Variants in SLCO5A1 observed in about 807,000 individuals in gnomAD.
The protein encoded by SLCO5A1 is solute carrier organic anion transporter family member 5A1.
A neutral mutation model predicts 65.1 loss-of-function variants in SLCO5A1; 39 were observed. The observed-to-expected ratio is 0.60, with a 90% confidence interval of 0.46 to 0.78. The LOEUF is 0.78. SLCO5A1 is among the 30% of genes least tolerant of loss of function. The pLI is 0.00. For missense variants in SLCO5A1, 1,029 were observed against 1,069.4 expected (o/e 0.96, Z 0.53); for synonymous variants, 438 against 415.7 (o/e 1.05, Z -0.65).
chr8:69,749,944 G>A (rs150328480), intron 4 of SLCO5A1, among the ~76,000 whole-genome samples: 6 of 152,166 alleles, frequency 3.9e-5, no homozygotes, highest in Admixed American at 1.3e-4. Flanking sequence ...AAGGGGCCAC[G>A]TGAGAAGTGC....
intron 2 of SLCO5A1, among the ~76,000 whole-genome samples, chr8:69,798,833 GGCTTTCCATAGA>G (rs1262300924): frequency 6.6e-6 from 1 of 152,164 alleles, no homozygotes; most frequent in Non-Finnish European, 1.5e-5. Flanking sequence ...ATTAAAGAAA[GGCTTTCCATAGA>G]ATGCTATACA....
At chr8:69,734,921 G>T (rs927032864) in intron 5 of SLCO5A1, among the ~76,000 whole-genome samples, 3 of 151,984 alleles carry the variant, frequency 2.0e-5, no homozygotes, top group African/African-American at 7.3e-5. Flanking sequence ...GAGTAAGAAT[G>T]ATTAAACTGA....
rs757479346 is a variant in SLCO5A1 at position 69,832,315 on chromosome 8, A to G, written c.359T>C (p.Leu120Pro). The part of the protein sequence containing the change: ...ALAMLQERRC[L>P]YVVLTDSRCF... ...ACGGGAATCCGTGAGGACCACGTAG[A>G]GGCACCTTCTCTCCTGGAGCATGGC... The change falls in exon 2 of 10, where the codon CTC (leucine) becomes CCC (proline). Residue 120 changes from leucine to proline, a missense_variant. By Grantham distance (98) the Leu-to-Pro change is moderately conservative. Around this residue, in one of 3 missense-constraint regions of SLCO5A1, gnomAD observed 647 missense variants for 647.5 expected, o/e 1.00. Coordinates refer to ENST00000260126, the MANE Select transcript of SLCO5A1 (RefSeq NM_030958.3). The surrounding 1 kb of genome is among the most constrained non-coding windows in gnomAD (Gnocchi z 4.5). 6.2e-7 allele frequency: 1 copy of G among 1,614,196 alleles called. No homozygotes were observed. The highest frequency in any genetic ancestry group is 8.5e-7 in the Non-Finnish European group (1 of 1,180,034).
rs1451611133 is a variant in SLCO5A1 at position 69,832,518 on chromosome 8, G to A, written c.156C>T (p.Pro52=). 6.2e-7 allele frequency: 1 copy of A among 1,608,600 alleles called. No individual in the cohort carries two copies. Among genetic ancestry groups the A allele is most frequent in the East Asian group, 2.2e-5 (1 of 44,870 alleles). Residue 52 remains proline (P), a synonymous_variant, in exon 2 of 10, where the codon CCC becomes CCT. Coordinates refer to ENST00000260126, the MANE Select transcript of SLCO5A1 (RefSeq NM_030958.3). The surrounding 1 kb of genome is among the most constrained non-coding windows in gnomAD (Gnocchi z 4.5). ...AGGCCGGGTTGGCGTCTCCACTAGTGGGACTGAGGCTTGGCCGGCAGGAGG... is the reference window on the plus strand; with the variant it reads ...AGGCCGGGTTGGCGTCTCCACTAGTAGGACTGAGGCTTGGCCGGCAGGAGG... ...SSASCRPSLS[P]TSGDANPAFG...
At chr8:69,722,871 C>T (rs1471261945) in intron 5 of SLCO5A1, among the ~76,000 whole-genome samples, 1 of 151,850 alleles carries the variant, frequency 6.6e-6, no homozygotes, top group African/African-American at 2.4e-5. Context: ...TAGGAACATA[C>T]ATACGCATCA....
chr8:69,771,934 C>T (rs951780461), intron 2 of SLCO5A1, among the ~76,000 whole-genome samples: 1 of 152,198 alleles, frequency 6.6e-6, no homozygotes, highest in Admixed American at 6.5e-5. Context: ...TTATTCAGCT[C>T]CAGCCTGGCC....
At chr8:69,834,417 T>C (rs1029110437) in intron 1 of SLCO5A1, among the ~76,000 whole-genome samples, 27 of 152,158 alleles carry the variant, frequency 1.8e-4, no homozygotes, top group Non-Finnish European at 3.5e-4. Context: ...GGGTGGCCGC[T>C]CCGGCATCTC....
At chr8:69,799,272 T>G (rs1018979748) in intron 2 of SLCO5A1, among the ~76,000 whole-genome samples, 8 of 152,206 alleles carry the variant, frequency 5.3e-5, no homozygotes, top group African/African-American at 1.9e-4. Context: ...TGTTTCACTG[T>G]ATGAAAAGAA....
chr8:69,832,407 C>T lies in SLCO5A1; in HGVS notation c.267G>A (p.Ser89=). Residue 89 remains serine, a synonymous_variant, in exon 2 of 10, where the codon TCG becomes TCA. Coordinates refer to ENST00000260126, the MANE Select transcript of SLCO5A1 (RefSeq NM_030958.3). This position sits in a 1 kb window ranked among gnomAD's most constrained non-coding sequence, Gnocchi z 4.5. ...LAPSPSAPST[S]AGLGDCNHRV... is the part of the protein sequence containing the mutation. ...TGTGGTTACAGTCCCCGAGCCCCGCCGAAGTGGACGGGGCAGAGGGACTGG... is the reference window on the plus strand; with the variant it reads ...TGTGGTTACAGTCCCCGAGCCCCGCTGAAGTGGACGGGGCAGAGGGACTGG... 1 of 1,612,144 alleles carries T rather than the reference C, an allele frequency of 6.2e-7. No homozygotes were observed. Among genetic ancestry groups the T allele is most frequent in the Non-Finnish European group, 8.5e-7 (1 of 1,179,162 alleles).
intron 5 of SLCO5A1, among the ~76,000 whole-genome samples, chr8:69,727,151 T>C (rs1816119871): frequency 6.6e-6 from 1 of 152,120 alleles, no homozygotes; most frequent in South Asian, 2.1e-4. Flanking sequence ...CTCATATGGC[T>C]TCCCTGTGCA....
intron 3 of SLCO5A1, among the ~76,000 whole-genome samples, chr8:69,761,205 A>C (rs544760563): frequency 6.6e-6 from 1 of 152,230 alleles, no homozygotes; most frequent in African/African-American, 2.4e-5. Context: ...GCTCTCTGCT[A>C]TAAGAAGTTA....
chr8:69,779,045 C>A (rs1352272863), intron 2 of SLCO5A1, among the ~76,000 whole-genome samples: 1 of 152,068 alleles, frequency 6.6e-6, no homozygotes, highest in Non-Finnish European at 1.5e-5. Context: ...CTACTTACAC[C>A]AAAATGGCAG....
intron 5 of SLCO5A1, among the ~76,000 whole-genome samples, chr8:69,734,453 T>G (rs1816469289): frequency 6.6e-6 from 1 of 152,248 alleles, no homozygotes; most frequent in Admixed American, 6.5e-5. Context: ...ATAATCTCTG[T>G]GATCCAAATT....
intron 5 of SLCO5A1, among the ~76,000 whole-genome samples, chr8:69,717,995 A>AG (rs889105796): frequency 6.6e-6 from 1 of 152,174 alleles, no homozygotes; most frequent in Admixed American, 6.5e-5. Context: ...GTTGTACAGT[A>AG]GATCTTTTGA....
intron 2 of SLCO5A1, among the ~76,000 whole-genome samples, chr8:69,782,859 C>T (rs944155640): frequency 1.3e-5 from 2 of 152,136 alleles, no homozygotes; most frequent in Non-Finnish European, 2.9e-5. Context: ...TCAGTTTCCT[C>T]AGGGCAATTA....
intron 5 of SLCO5A1, among the ~76,000 whole-genome samples, chr8:69,706,632 A>C (rs1359397172): frequency 1.3e-5 from 2 of 152,188 alleles, no homozygotes; most frequent in East Asian, 3.9e-4. Context: ...TCTATGAGAA[A>C]TTGGGCCCTC....
intron 2 of SLCO5A1, among the ~76,000 whole-genome samples, chr8:69,777,797 C>A (rs1485955079): frequency 6.6e-6 from 1 of 152,168 alleles, no homozygotes; most frequent in African/African-American, 2.4e-5. Flanking sequence ...GACATCCAGC[C>A]GTCGAGGTCG....
intron 2 of SLCO5A1, among the ~76,000 whole-genome samples, chr8:69,823,080 G>A (rs533312676): frequency 5.3e-5 from 8 of 152,116 alleles, no homozygotes; most frequent in Admixed American, 6.5e-5. Flanking sequence ...TACCTAGTTC[G>A]GCATTCTTAC....
intron 5 of SLCO5A1, among the ~76,000 whole-genome samples, chr8:69,718,269 T>C (rs1232472494): frequency 6.6e-6 from 1 of 152,238 alleles, no homozygotes; most frequent in Non-Finnish European, 1.5e-5. Flanking sequence ...ACATATTTAT[T>C]AGTTCTAATA....
Sources: allele counts gnomAD v4.1 joint callset (sites outside exome capture counted in the v4.1 genomes callset), GRCh38; gene constraint gnomAD v4.1.1; regional missense constraint gnomAD v4.1.1; non-coding constraint Gnocchi (gnomAD v3.1); transcripts MANE v1.5; gene names NCBI Gene and HGNC (gene_info 2026-07-23, HGNC 2026-07-21).